Variants in CYFIP1 observed in about 807,000 individuals in gnomAD.
CYFIP1 encodes the protein cytoplasmic FMR1-interacting protein 1.
Under a neutral mutation model 163.5 loss-of-function variants are expected in CYFIP1, and 58 were observed. The ratio of observed to expected loss-of-function variants is 0.35; its 90% CI spans 0.29 to 0.44. The LOEUF (loss-of-function observed/expected upper bound fraction) is 0.44, where lower values mean the gene tolerates loss of function less well. CYFIP1 is among the 20% of genes least tolerant of loss of function. The probability of loss-of-function intolerance (pLI) is 1.00; values close to 1 mark genes in which losing one functional copy is unlikely to be tolerated. For missense variants in CYFIP1, 1,338 were observed against 1,653.8 expected (o/e 0.81, Z 3.31); for synonymous variants, 663 against 660.7 (o/e 1.00, Z -0.05).
At chr15:22,944,494 G>T (rs572498395) in intron 5 of CYFIP1, 64 bp downstream of exon 5, 2 of 1,074,344 alleles carry the variant, frequency 1.9e-6, no homozygotes, top group Admixed American at 3.6e-5. Flanking sequence ...ACAGTGATGG[G>T]TAGGAAGGGG....
At chr15:22,970,005 A>C (rs563009130) in intron 1 of CYFIP1, among the ~76,000 whole-genome samples, 22 of 152,326 alleles carry the variant, frequency 1.4e-4, no homozygotes, top group African/African-American at 5.3e-4. Context: ...CAAAGATTCC[A>C]TAATAATTAT....
intron 30 of CYFIP1, among the ~76,000 whole-genome samples, chr15:22,871,708 G>T (rs1157508789): frequency 6.6e-6 from 1 of 152,202 alleles, no homozygotes; most frequent in African/African-American, 2.4e-5. Flanking sequence ...CATGGCAGAA[G>T]ACTAGAGGCT....
intron 1 of CYFIP1, among the ~76,000 whole-genome samples, chr15:22,965,249 A>T (rs912068366): frequency 1.3e-5 from 2 of 152,228 alleles, no homozygotes; most frequent in African/African-American, 2.4e-5. Flanking sequence ...ACCTGAGGTC[A>T]GGAGTTCGAG....
At chr15:22,961,838 T>A (rs1421183368) in intron 1 of CYFIP1, among the ~76,000 whole-genome samples, 1 of 152,206 alleles carries the variant, frequency 6.6e-6, no homozygotes, top group African/African-American at 2.4e-5. Context: ...GCTACAAAAC[T>A]TTTTCCAGGT....
Position 22,868,471 on chromosome 15 carries a change from GTTTT to G in CYFIP1, c.*1553_*1556del, listed in dbSNP as rs1555392784. ...CTTATAAAACTTGGTAATTGATTAAGTTTTACCATAATTTTTCATCCTATTCTGT... is the reference window on the plus strand; with the variant it reads ...CTTATAAAACTTGGTAATTGATTAAGACCATAATTTTTCATCCTATTCTGT... On this transcript the variant is annotated 3_prime_UTR_variant, in exon 31 of 31. Coordinates refer to ENST00000617928, the MANE Select transcript of CYFIP1 (RefSeq NM_014608.6). 3.3e-5 allele frequency: 5 copies of G among 152,034 alleles called. No individual in the cohort carries two copies. The highest frequency in any genetic ancestry group is 6.6e-5 in the Admixed American group (1 of 15,264). 9.4% of individuals were successfully genotyped at this position (152,034 alleles called of 1,614,324 possible). A position where few individuals can be genotyped will look rare whatever the true frequency, so the allele number is the denominator to read the frequency against.
At chr15:22,909,125 T>C in intron 21 of CYFIP1, 69 bp downstream of exon 21, 2 of 1,594,264 alleles carry the variant, frequency 1.3e-6, no homozygotes, top group Non-Finnish European at 1.7e-6. Flanking sequence ...GCATCTCTTT[T>C]ATCATCTATA....
chr15:22,928,089 C>A, intron 11 of CYFIP1, 61 bp from the exon 12 acceptor site: 3 of 1,428,642 alleles, frequency 2.1e-6, no homozygotes, highest in Non-Finnish European at 2.7e-6. Flanking sequence ...CCCCCCATCC[C>A]GGGATCCACC....
intron 13 of CYFIP1, among the ~76,000 whole-genome samples, chr15:22,924,875 G>A (rs1008145421): frequency 2.6e-5 from 4 of 151,928 alleles, no homozygotes; most frequent in African/African-American, 4.8e-5. Context: ...AGTTTGAGAC[G>A]AACCCGGGCA....
chr15:22,917,208 T>C lies in CYFIP1; in HGVS notation c.1675-578A>G. The C allele has an allele frequency of 7.0e-7, 1 of 1,418,538 alleles. No individual in the cohort carries two copies. Among genetic ancestry groups the C allele is most frequent in the Non-Finnish European group, 9.1e-7 (1 of 1,093,534 alleles). 87.9% of individuals were successfully genotyped at this position (1,418,538 alleles called of 1,614,324 possible). ...CAGAGCCAGCAGCGTGCATTGCTGGTGACTTTCCAGAAGAGTGGCAGAAGA... is the reference window on the plus strand; with the variant it reads ...CAGAGCCAGCAGCGTGCATTGCTGGCGACTTTCCAGAAGAGTGGCAGAAGA... On this transcript the variant is annotated intron_variant, in intron 15 of 30. Transcript: ENST00000617928. This position sits in a 1 kb window ranked among gnomAD's most constrained non-coding sequence, Gnocchi z 4.2.
At position 22,916,594 on chromosome 15, in the gene CYFIP1, C is replaced by T. The variant is rs1397321528; in HGVS notation, c.1711G>A (p.Ala571Thr). 2 of 1,614,024 alleles carry T rather than the reference C, an allele frequency of 1.2e-6. No homozygotes were observed. Among genetic ancestry groups the T allele is most frequent in the Non-Finnish European group, 1.7e-6 (2 of 1,179,996 alleles). ...MVRTMLESLI[A>T]DKSGSKKTLR... is the part of the protein sequence containing the mutation. ...GTTTTCTTGGAACCACTTTTGTCTG[C>T]AATGAGGGACTCTAGCATGGTTCTC... The change falls in exon 16 of 31, where the codon GCA becomes ACA. Residue 571 changes from alanine to threonine, a missense_variant. Physicochemically the swap from Ala to Thr is moderately conservative, Grantham distance 58 (BLOSUM62 0). This residue lies in a region of CYFIP1 where 824 missense variants were observed against 995.7 expected (regional missense o/e 0.83). Coordinates refer to ENST00000617928, the MANE Select transcript of CYFIP1 (RefSeq NM_014608.6).
At chr15:22,889,112 C>T (rs545424394) in intron 23 of CYFIP1, among the ~76,000 whole-genome samples, 3 of 151,906 alleles carry the variant, frequency 2.0e-5, no homozygotes, top group South Asian at 2.1e-4. Context: ...TTAACAAAAA[C>T]GACACAAACA....
At chr15:22,892,001 A>T (rs190589409) in intron 23 of CYFIP1, among the ~76,000 whole-genome samples, 1 of 152,180 alleles carries the variant, frequency 6.6e-6, no homozygotes, top group African/African-American at 2.4e-5. Flanking sequence ...AAGCGAGGAC[A>T]CTTAAATACT....
intron 8 of CYFIP1, among the ~76,000 whole-genome samples, chr15:22,937,639 C>T (rs1971174): frequency 0.22 from 32,625 of 145,952 alleles, 4,091 homozygotes; most frequent in African/African-American, 0.33. Flanking sequence ...GGCTCTGTCA[C>T]CCGGGCTGGA....
chr15:22,948,606 G>C (rs1357082092), intron 1 of CYFIP1, among the ~76,000 whole-genome samples: 2 of 152,148 alleles, frequency 1.3e-5, no homozygotes, highest in African/African-American at 4.8e-5. Context: ...TACAGGAAAA[G>C]AGAATCAACA....
At chr15:22,925,810 A>G (rs1313312256) in intron 13 of CYFIP1, among the ~76,000 whole-genome samples, 172 bp downstream of exon 13, 1 of 152,162 alleles carries the variant, frequency 6.6e-6, no homozygotes, top group Non-Finnish European at 1.5e-5. Flanking sequence ...CAGGACCGAC[A>G]ACCACTGTTT....
chr15:22,970,327 A>G (rs1450037430), intron 1 of CYFIP1, among the ~76,000 whole-genome samples: 1 of 152,248 alleles, frequency 6.6e-6, no homozygotes. Flanking sequence ...ATCTTTGTTA[A>G]TGGATTGGAA....
intron 1 of CYFIP1, among the ~76,000 whole-genome samples, chr15:22,978,403 A>T (rs2063354160): frequency 2.0e-5 from 3 of 148,658 alleles, no homozygotes; most frequent in Admixed American, 1.3e-4. Flanking sequence ...ACGGTTATTT[A>T]AAAGATTGAG....
At chr15:22,891,501 C>T (rs887696784) in intron 23 of CYFIP1, among the ~76,000 whole-genome samples, 5 of 152,232 alleles carry the variant, frequency 3.3e-5, no homozygotes, top group Non-Finnish European at 7.3e-5. Context: ...ACGTGGGCCC[C>T]GTTTCCCGAA....
At chr15:22,974,113 C>G (rs867561849) in intron 1 of CYFIP1, among the ~76,000 whole-genome samples, 2 of 152,140 alleles carry the variant, frequency 1.3e-5, no homozygotes, top group Admixed American at 6.6e-5. Flanking sequence ...GAAAACAGTG[C>G]CGGGGGTTCC....
Sources: allele counts gnomAD v4.1 joint callset (sites outside exome capture counted in the v4.1 genomes callset), GRCh38; gene constraint gnomAD v4.1.1; regional missense constraint gnomAD v4.1.1; non-coding constraint Gnocchi (gnomAD v3.1); transcripts MANE v1.5; gene names NCBI Gene and HGNC (gene_info 2026-07-23, HGNC 2026-07-21).